Variants in ESRRB observed in about 807,000 individuals in gnomAD.
ESRRB encodes steroid hormone receptor ERR2.
A neutral mutation model predicts 46.0 loss-of-function variants in ESRRB; 16 were observed. The observed-to-expected ratio is 0.35, with a 90% CI of 0.24 to 0.53. ESRRB has a LOEUF of 0.53. ESRRB is among the 20% of genes least tolerant of loss of function. The pLI, the probability that ESRRB is intolerant of heterozygous loss-of-function variation, is 0.93. For missense variants in ESRRB, 488 were observed against 607.4 expected (o/e 0.80, Z 2.07); for synonymous variants, 246 against 259.6 (o/e 0.95, Z 0.50).
At chr14:76,370,261 G>A (rs2139780110), upstream of ESRRB, among the ~76,000 whole-genome samples, 1 of 151,890 alleles carries the variant, frequency 6.6e-6, no homozygotes, top group Non-Finnish European at 1.5e-5. Flanking sequence ...AGCCAGGTGT[G>A]GTGGTGGGCA....
At chr14:76,496,952 G>A (rs190710444) in intron 6 of ESRRB, among the ~76,000 whole-genome samples, 324 of 152,356 alleles carry the variant, frequency 2.1e-3, no homozygotes, top group Non-Finnish European at 3.9e-3. Context: ...CAATGCCATC[G>A]ATACAGACCG....
At chr14:76,365,525 T>C (rs58318264) in intron 1 of ESRRB, among the ~76,000 whole-genome samples, 8,328 of 152,198 alleles carry the variant, frequency 0.055, 351 homozygotes, top group East Asian at 0.12. Flanking sequence ...CTGAATCTAT[T>C]GTTTGAACGC....
chr14:76,397,703 G>A (rs551545977), intron 1 of ESRRB, among the ~76,000 whole-genome samples: 3 of 152,266 alleles, frequency 2.0e-5, no homozygotes, highest in Non-Finnish European at 2.9e-5. Flanking sequence ...CCAGGAGTTC[G>A]AGACCAGCCT....
chr14:76,441,840 G>A (rs916904411), intron 2 of ESRRB, among the ~76,000 whole-genome samples: 1 of 152,192 alleles, frequency 6.6e-6, no homozygotes, highest in South Asian at 2.1e-4. Context: ...CACCCATCCT[G>A]CCCCTGCATC....
chr14:76,393,967 ATTT>A (rs71122531), intron 1 of ESRRB, among the ~76,000 whole-genome samples: 1 of 126,986 alleles, frequency 7.9e-6, no homozygotes, highest in South Asian at 2.7e-4. Flanking sequence ...TGCCTGGCTA[ATTT>A]TTTTTTTTTT....
chr14:76,363,943 G>A (rs1884493419), intron 1 of ESRRB, among the ~76,000 whole-genome samples: 1 of 152,186 alleles, frequency 6.6e-6, no homozygotes, highest in Non-Finnish European at 1.5e-5. Context: ...TTTCTCCTCA[G>A]TAAATAAAAG....
chr14:76,457,279 A>G (rs1265355070), intron 2 of ESRRB, among the ~76,000 whole-genome samples: 1 of 151,944 alleles, frequency 6.6e-6, no homozygotes, highest in South Asian at 2.1e-4. Context: ...GCAGACCTTA[A>G]TGTTCTCAAA....
At position 76,391,494 on chromosome 14, in the gene ESRRB, G is replaced by A. The variant is rs547446695; in HGVS notation, c.50+15043G>A. ...TACAGGCCAGAAGCTGCAGCTCATTGCTGGGGTCTGCTTCTGTTCTTTGAA... is the reference window on the plus strand; with the variant it reads ...TACAGGCCAGAAGCTGCAGCTCATTACTGGGGTCTGCTTCTGTTCTTTGAA... On this transcript the variant is annotated intron_variant, in intron 1 of 6. Transcript: ENST00000644823. Among the ~76,000 whole-genome samples, 3 of 152,390 alleles carry A rather than the reference G, an allele frequency of 2.0e-5. No homozygotes were observed. In the South Asian group the frequency reaches 6.2e-4, roughly 32 times the overall value.
chr14:76,310,952 A>G (rs1200367736), intron 1 of ESRRB: 4 of 433,294 alleles, frequency 9.2e-6, no homozygotes, highest in Non-Finnish European at 1.8e-5. Flanking sequence ...TCCTCCCCAG[A>G]CTCTGCGGGT....
intron 1 of ESRRB, among the ~76,000 whole-genome samples, chr14:76,329,472 T>C (rs78490185): frequency 0.022 from 3,353 of 152,256 alleles, 116 homozygotes; most frequent in African/African-American, 0.076. Context: ...CTCCAGGCAC[T>C]GACCTATGCA....
intron 1 of ESRRB, among the ~76,000 whole-genome samples, chr14:76,417,308 A>T (rs1886748533): frequency 6.6e-6 from 1 of 152,100 alleles, no homozygotes; most frequent in South Asian, 2.1e-4. Flanking sequence ...TGGGATGGTG[A>T]TGACCTTGGC....
intron 2 of ESRRB, among the ~76,000 whole-genome samples, chr14:76,449,560 A>G (rs1023962077): frequency 6.6e-6 from 1 of 151,826 alleles, no homozygotes; most frequent in Admixed American, 6.6e-5. Flanking sequence ...AAAAAAAAAA[A>G]GAAAAAAAAG....
intron 1 of ESRRB, among the ~76,000 whole-genome samples, chr14:76,337,578 C>T (rs570777527): frequency 1.3e-3 from 197 of 152,158 alleles, no homozygotes; most frequent in Non-Finnish European, 2.4e-3. Context: ...TGGGGAAGGG[C>T]GGGTGCTTGA....
chr14:76,316,960 C>T (rs901183018), intron 1 of ESRRB, among the ~76,000 whole-genome samples: 2 of 152,178 alleles, frequency 1.3e-5, no homozygotes, highest in South Asian at 4.2e-4. Flanking sequence ...CTCTGTAGGG[C>T]CCCCTGTGCT....
chr14:76,361,933 G>A (rs1340201760), intron 1 of ESRRB, among the ~76,000 whole-genome samples: 2 of 152,172 alleles, frequency 1.3e-5, no homozygotes, highest in Non-Finnish European at 2.9e-5. Flanking sequence ...GAGCAGAGAG[G>A]GCAGCTTGGG....
At chr14:76,471,339 G>C (rs1252944788) in intron 3 of ESRRB, among the ~76,000 whole-genome samples, 1 of 152,152 alleles carries the variant, frequency 6.6e-6, no homozygotes, top group African/African-American at 2.4e-5. Flanking sequence ...CAGTGATCTT[G>C]TTAAAGCACT....
intron 1 of ESRRB, among the ~76,000 whole-genome samples, chr14:76,354,059 G>A (rs1245643678): frequency 6.6e-6 from 1 of 152,144 alleles, no homozygotes; most frequent in Non-Finnish European, 1.5e-5. Context: ...CAGCCCCGCT[G>A]GGTCCTGCTG....
chr14:76,491,156 G>A (rs528627901), intron 5 of ESRRB, among the ~76,000 whole-genome samples: 1 of 152,296 alleles, frequency 6.6e-6, no homozygotes, highest in South Asian at 2.1e-4. Flanking sequence ...CTCTACAGAC[G>A]TTTGGAAAAT....
chr14:76,411,866 TATC>T (rs992345900), intron 1 of ESRRB, among the ~76,000 whole-genome samples: 5 of 152,220 alleles, frequency 3.3e-5, no homozygotes, highest in South Asian at 2.1e-4. Context: ...ATTATTCTGT[TATC>T]ATCACACTAT....
Sources: allele counts gnomAD v4.1 joint callset (sites outside exome capture counted in the v4.1 genomes callset), GRCh38; gene constraint gnomAD v4.1.1; transcripts MANE v1.5; gene names NCBI Gene and HGNC (gene_info 2026-07-23, HGNC 2026-07-21).